The following PAFAH2 variants were observed in gnomAD, a reference collection of about 807,000 sequenced individuals.
PAFAH2 encodes platelet-activating factor acetylhydrolase 2, cytoplasmic.
Under a neutral mutation model 49.0 loss-of-function variants are expected in PAFAH2, and 42 were observed. The ratio of observed to expected loss-of-function variants is 0.86; its 90% confidence interval spans 0.67 to 1.11. PAFAH2 has a LOEUF of 1.11. PAFAH2 is among the 50% of genes least tolerant of loss of function. The pLI is 0.00. For synonymous variants in PAFAH2, 184 were observed against 181.3 expected, an observed-to-expected ratio of 1.01 and a Z score of -0.12; for missense variants, 503 against 501.8, an observed-to-expected ratio of 1.00 and a Z score of -0.02.
intron 7 of PAFAH2, among the ~76,000 whole-genome samples, chr1:25,982,105 G>A (rs1275491707): frequency 2.0e-5 from 3 of 152,022 alleles, no homozygotes; most frequent in South Asian, 2.1e-4. Flanking sequence ...TTGCCTAAAG[G>A]AGAGAGTCTG....
rs374804950 is a variant in PAFAH2, at chr1:25,972,749, G to A, written c.930-37C>T. 7.0e-4 allele frequency: 1,136 copies of A among 1,612,546 alleles called. 18 individuals carry two copies. The South Asian group carries it at 0.012, about 17-fold the overall frequency. On this transcript the variant is annotated intron_variant, in intron 9 of 10. Coordinates refer to ENST00000374282, the MANE Select transcript of PAFAH2 (RefSeq NM_000437.4). ...GAAAAACAACTGGCAGGGGTCTGGC[G>A]GCTAGGGCATACAGATGTGTGTTAG... is the stretch of plus-strand genomic sequence containing the variant.
intron 6 of PAFAH2, among the ~76,000 whole-genome samples, chr1:25,982,969 G>A (rs2049714948): frequency 1.3e-5 from 2 of 152,086 alleles, no homozygotes; most frequent in Admixed American, 6.6e-5. Flanking sequence ...CCCCAGGCCT[G>A]GAATCCCTCT....
rs557065319 is a variant in PAFAH2, at chr1:25,980,587, G to A, written c.666+1777C>T. On this transcript the variant is annotated intron_variant, in intron 7 of 10. Coordinates refer to ENST00000374282, the MANE Select transcript of PAFAH2 (RefSeq NM_000437.4). ...CTCCCAAAATGCTGGGGTTACAGGC[G>A]TGAGCCACCGCACTGGGCCATATTT... is the stretch of plus-strand genomic sequence containing the variant. 6.7e-5 allele frequency among the ~76,000 whole-genome samples: 10 copies of A among 148,476 alleles called. No homozygotes were observed. In the East Asian group the frequency reaches 9.7e-4, roughly 14 times the overall value.
intron 7 of PAFAH2, among the ~76,000 whole-genome samples, chr1:25,978,992 T>C (rs1055445389): frequency 1.3e-5 from 2 of 152,236 alleles, no homozygotes; most frequent in African/African-American, 4.8e-5. Flanking sequence ...ACACTGTCCA[T>C]CTATCATGCT....
At chr1:25,981,695 G>T (rs568614769) in intron 7 of PAFAH2, among the ~76,000 whole-genome samples, 1 of 152,326 alleles carries the variant, frequency 6.6e-6, no homozygotes, top group East Asian at 1.9e-4. Context: ...TCCCAGATTA[G>T]TGGAAGCTAA....
At chr1:25,986,427 G>A (rs1264387610) in intron 4 of PAFAH2, among the ~76,000 whole-genome samples, 2 of 152,232 alleles carry the variant, frequency 1.3e-5, no homozygotes, top group Non-Finnish European at 2.9e-5. Context: ...TTTGTCTGGA[G>A]AGCTACACTG....
chr1:25,980,086 A>G (rs371294299), intron 7 of PAFAH2, among the ~76,000 whole-genome samples: 8 of 152,342 alleles, frequency 5.3e-5, no homozygotes, highest in African/African-American at 1.7e-4. Flanking sequence ...GGAGGATATT[A>G]CCAAAGCCTT....
At position 25,984,513 on chromosome 1, in the gene PAFAH2, G is replaced by T; in HGVS notation, c.357C>A (p.Ala119=). ...CACGTGAGGCCAGCTCCATGCAGAA[G>T]GCTGAATACAAAGTCCTGGAGATTC... The part of the protein sequence containing the change: ...GLGAFRTLYS[A]FCMELASRGF... The change falls in exon 5 of 11, where the codon GCC becomes GCA. Residue 119 remains alanine (A), a synonymous_variant. Coordinates refer to ENST00000374282, the MANE Select transcript of PAFAH2 (RefSeq NM_000437.4). 1 of 1,613,742 alleles carries T rather than the reference G, an allele frequency of 6.2e-7. No individual in the cohort carries two copies. Among genetic ancestry groups the T allele is most frequent in the Non-Finnish European group, 8.5e-7 (1 of 1,179,808 alleles).
chr1:25,977,724 C>G (rs1403161320), intron 7 of PAFAH2, among the ~76,000 whole-genome samples: 1 of 151,126 alleles, frequency 6.6e-6, no homozygotes, highest in African/African-American at 2.4e-5. Context: ...ACTGACCCAT[C>G]AGTTTATGAG....
intron 4 of PAFAH2, 116 bp from the exon 5 acceptor site, chr1:25,984,644 C>G: frequency 1.4e-6 from 1 of 721,190 alleles, no homozygotes; most frequent in Non-Finnish European, 2.4e-6. Context: ...TCAACCTTAA[C>G]TGTCTACCTC....
intron 10 of PAFAH2, among the ~76,000 whole-genome samples, chr1:25,967,767 A>G (rs1364857056): frequency 6.6e-6 from 1 of 152,138 alleles, no homozygotes; most frequent in African/African-American, 2.4e-5. Context: ...GAACAGGGAG[A>G]TGGGTGGCAA....
At chr1:25,986,282 G>T (rs571428550) in intron 4 of PAFAH2, among the ~76,000 whole-genome samples, 2 of 152,282 alleles carry the variant, frequency 1.3e-5, no homozygotes, top group African/African-American at 4.8e-5. Flanking sequence ...AGGAAAAGAC[G>T]GAGAGGGGCA....
intron 2 of PAFAH2, 66 bp downstream of exon 2, chr1:25,990,661 T>C: frequency 2.3e-6 from 3 of 1,315,894 alleles, no homozygotes; most frequent in South Asian, 1.2e-5. Context: ...ATCAGACTTG[T>C]GATCAGTAAG....
chr1:25,971,420 A>T (rs1415960716), intron 10 of PAFAH2, among the ~76,000 whole-genome samples: 1 of 151,954 alleles, frequency 6.6e-6, no homozygotes, highest in East Asian at 1.9e-4. Context: ...AGGATGCCGC[A>T]AGCTAAAGGG....
intron 10 of PAFAH2, among the ~76,000 whole-genome samples, chr1:25,963,533 T>C (rs1382375904): frequency 1.3e-5 from 2 of 151,930 alleles, no homozygotes; most frequent in Non-Finnish European, 2.9e-5. Flanking sequence ...TGAGATGGAG[T>C]CTTGCTCTGT....
intron 4 of PAFAH2, among the ~76,000 whole-genome samples, chr1:25,987,220 C>T (rs1021729164): frequency 5.4e-5 from 8 of 148,678 alleles, no homozygotes; most frequent in East Asian, 2.0e-4. Context: ...GGCGACTGAT[C>T]GAGACTCTGT....
intron 10 of PAFAH2, among the ~76,000 whole-genome samples, chr1:25,965,246 C>T (rs2049402268): frequency 6.6e-6 from 1 of 152,116 alleles, no homozygotes; most frequent in African/African-American, 2.4e-5. Flanking sequence ...TATCTCTCAG[C>T]ATATATAAAA....
intron 1 of PAFAH2, among the ~76,000 whole-genome samples, chr1:25,997,781 G>A (rs1054948933): frequency 5.9e-5 from 9 of 152,290 alleles, no homozygotes; most frequent in African/African-American, 1.9e-4. Context: ...GGGGCTGCGG[G>A]GGCTGGGTCC....
chr1:25,969,966 G>T (rs943061342), intron 10 of PAFAH2, among the ~76,000 whole-genome samples: 7 of 152,130 alleles, frequency 4.6e-5, no homozygotes, highest in African/African-American at 1.7e-4. Flanking sequence ...TGACCCTAAG[G>T]TCTCCAAACA....
Sources: gnomAD v4.1 joint callset for allele counts (sites outside exome capture counted in the v4.1 genomes callset) on GRCh38, gnomAD v4.1.1 for gene constraint, MANE v1.5 for transcripts, NCBI Gene and HGNC (gene_info 2026-07-23, HGNC 2026-07-21) for gene names.